RBFOX1: variants seen among roughly 807,000 people sequenced by gnomAD.
RBFOX1 encodes the protein RNA binding fox-1 homolog 1, also known as RNA binding protein fox-1 homolog 1.
In RBFOX1, 8 loss-of-function variants were observed where a neutral mutation model predicts 57.7. That is an observed-to-expected ratio of 0.14 (90% CI 0.08 to 0.25). The LOEUF is 0.25. Ranked by LOEUF, RBFOX1 falls within the 10% of genes least tolerant of loss-of-function variation. RBFOX1 has a pLI of 1.00. For missense variants in RBFOX1, 611 were observed against 548.5 expected, an observed-to-expected ratio of 1.11 and a Z score of -1.14; for synonymous variants, 326 against 222.4, an observed-to-expected ratio of 1.47 and a Z score of -4.15.
At position 7,304,021 on chromosome 16, in the gene RBFOX1, A is replaced by C. The variant is rs574814325; in HGVS notation, c.28-214126A>C. 2.6e-5 allele frequency among the ~76,000 whole-genome samples: 4 copies of C among 151,996 alleles called. No individual in the cohort carries two copies. In the East Asian group the frequency reaches 5.9e-4, roughly 22 times the overall value. ...TCCGGGGGATCAAAAAGCAGGCCCA[A>C]CAACCCAGAAAAGCCAGACGACCGC... On this transcript the variant is annotated intron_variant, in intron 4 of 15. Coordinates refer to ENST00000550418, the MANE Select transcript of RBFOX1 (RefSeq NM_018723.4).
At chr16:5,882,547 C>G (rs982197094) in intron 4 of RBFOX1, among the ~76,000 whole-genome samples, 25 of 152,176 alleles carry the variant, frequency 1.6e-4, no homozygotes, top group Admixed American at 6.5e-4. Flanking sequence ...CTACCACAGG[C>G]ACTGAGCAGA....
chr16:6,060,813 A>C (rs952305764), intron 1 of RBFOX1, among the ~76,000 whole-genome samples: 1 of 152,228 alleles, frequency 6.6e-6, no homozygotes, highest in South Asian at 2.1e-4. Flanking sequence ...GGAAGGGAAC[A>C]TCTACAGGAG....
At chr16:6,558,375 T>C (rs1206521644) in intron 2 of RBFOX1, among the ~76,000 whole-genome samples, 1 of 152,176 alleles carries the variant, frequency 6.6e-6, no homozygotes, top group Non-Finnish European at 1.5e-5. Context: ...AGTGCAGTCT[T>C]CTCTTTTAGA....
intron 4 of RBFOX1, among the ~76,000 whole-genome samples, chr16:7,120,164 A>T (rs1291315152): frequency 6.6e-6 from 1 of 152,094 alleles, no homozygotes; most frequent in Non-Finnish European, 1.5e-5. Flanking sequence ...ATTTTACAAA[A>T]TATATGGTGG....
At chr16:7,654,275 TATTAAGGAGGTTGGACCAC>T (rs1353168125) in intron 12 of RBFOX1, among the ~76,000 whole-genome samples, 1 of 152,210 alleles carries the variant, frequency 6.6e-6, no homozygotes, top group Non-Finnish European at 1.5e-5. Flanking sequence ...AACATCTGGT[TATTAAGGAGGTTGGACCAC>T]ATTTGCCCCT....
intron 3 of RBFOX1, chr16:5,632,362 T>A (rs1273799239): frequency 2.0e-5 from 3 of 152,244 alleles, no homozygotes; most frequent in African/African-American, 4.8e-5. Context: ...TGTTTCCTGG[T>A]CAACGTTATT....
chr16:5,727,718 T>G (rs758832183), intron 3 of RBFOX1, among the ~76,000 whole-genome samples: 3 of 152,216 alleles, frequency 2.0e-5, no homozygotes, highest in Admixed American at 6.5e-5. Flanking sequence ...AGACAAGGTC[T>G]TACCTTGTCA....
At chr16:5,864,876 C>G (rs1425867544) in intron 3 of RBFOX1, among the ~76,000 whole-genome samples, 6 of 152,196 alleles carry the variant, frequency 3.9e-5, no homozygotes, top group African/African-American at 1.4e-4. Context: ...GTCTCTCCCA[C>G]TATAGGTGGT....
At chr16:6,183,566 C>G (rs1222041251) in intron 1 of RBFOX1, among the ~76,000 whole-genome samples, 1 of 151,886 alleles carries the variant, frequency 6.6e-6, no homozygotes. Context: ...GTAAGGGATG[C>G]TGTTATATAT....
chr16:6,692,993 C>A (rs761802035), intron 3 of RBFOX1, among the ~76,000 whole-genome samples: 1 of 151,932 alleles, frequency 6.6e-6, no homozygotes, highest in Non-Finnish European at 1.5e-5. Context: ...CCATCGTTCT[C>A]CTCCACTACC....
chr16:6,935,184 G>A (rs1295573749), intron 3 of RBFOX1, among the ~76,000 whole-genome samples: 3 of 152,204 alleles, frequency 2.0e-5, no homozygotes, highest in African/African-American at 7.2e-5. Flanking sequence ...CATCATCGAA[G>A]TGAGATAATA....
At chr16:5,874,110 G>A (rs1018824081) in intron 4 of RBFOX1, among the ~76,000 whole-genome samples, 5 of 152,166 alleles carry the variant, frequency 3.3e-5, no homozygotes, top group African/African-American at 1.2e-4. Context: ...GAGGAAACAG[G>A]GTCAGGACCC....
chr16:5,974,250 G>A (rs543637650), intron 4 of RBFOX1, among the ~76,000 whole-genome samples: 2 of 152,148 alleles, frequency 1.3e-5, no homozygotes, highest in African/African-American at 4.8e-5. Flanking sequence ...TGCAAAGAGA[G>A]GTAGAGTTTC....
chr16:7,107,016 A>G (rs1217507438), intron 4 of RBFOX1, among the ~76,000 whole-genome samples: 1 of 116,814 alleles, frequency 8.6e-6, no homozygotes, highest in Non-Finnish European at 1.8e-5. Flanking sequence ...CACTAAATGA[A>G]CAAATGCATA....
intron 1 of RBFOX1, among the ~76,000 whole-genome samples, chr16:5,241,344 G>A (rs538582886): frequency 6.6e-6 from 1 of 152,302 alleles, no homozygotes; most frequent in South Asian, 2.1e-4. Context: ...TTCCAGGGCC[G>A]ATCACGGAAA....
rs532881123 is a variant in RBFOX1 at position 6,845,846 on chromosome 16, C to G, written c.-16+191196C>G. On this transcript the variant is annotated intron_variant, in intron 3 of 15. Coordinates refer to ENST00000550418, the MANE Select transcript of RBFOX1 (RefSeq NM_018723.4). Reference sequence around the variant, plus strand: ...TCTTCCTTACCCCTCTTGGGATAATCTCAGTCCCACTTGTGTATGGCTATT... The same window carrying G: ...TCTTCCTTACCCCTCTTGGGATAATGTCAGTCCCACTTGTGTATGGCTATT... Among the ~76,000 whole-genome samples, 5 of 152,338 alleles carry G rather than the reference C, an allele frequency of 3.3e-5. No homozygotes were observed. In the East Asian group the frequency reaches 9.7e-4, roughly 29 times the overall value.
intron 2 of RBFOX1, among the ~76,000 whole-genome samples, chr16:6,522,010 G>A (rs1422025737): frequency 6.6e-6 from 1 of 152,116 alleles, no homozygotes; most frequent in African/African-American, 2.4e-5. Context: ...CTTCTACAAA[G>A]CCAAATATTT....
At chr16:5,248,259 TTTA>T (rs2062353611) in intron 1 of RBFOX1, among the ~76,000 whole-genome samples, 2 of 152,262 alleles carry the variant, frequency 1.3e-5, no homozygotes, top group Non-Finnish European at 1.5e-5. Flanking sequence ...AGCATGCATA[TTTA>T]AGTGTTTGCC....
intron 1 of RBFOX1, among the ~76,000 whole-genome samples, chr16:5,336,364 A>C (rs1220218664): frequency 6.6e-6 from 1 of 152,162 alleles, no homozygotes; most frequent in Non-Finnish European, 1.5e-5. Context: ...ACACTGGGCA[A>C]GCTGGCACCC....
Sources: allele counts gnomAD v4.1 joint callset (sites outside exome capture counted in the v4.1 genomes callset), GRCh38; gene constraint gnomAD v4.1.1; transcripts MANE v1.5; gene names NCBI Gene and HGNC (gene_info 2026-07-23, HGNC 2026-07-21).